CIMIP1: variants seen among roughly 807,000 people sequenced by gnomAD.
CIMIP1 encodes low in lung cancer 1.
At chr20:58,156,486 G>T in the CIMIP1 span, among the ~76,000 whole-genome samples, 1 of 152,154 alleles carries the variant, frequency 6.6e-6, no homozygotes, top group African/African-American at 2.4e-5. Context: ...GAGAAGGGAT[G>T]TGAGTGGAAA....
the CIMIP1 span, chr20:58,160,670 T>A: frequency 1.2e-6 from 2 of 1,610,974 alleles, no homozygotes; most frequent in Non-Finnish European, 1.7e-6. Context: ...GGTCTTTCCA[T>A]CCCCCCCAGT....
the CIMIP1 span, among the ~76,000 whole-genome samples, chr20:58,156,350 G>T: frequency 5.3e-5 from 8 of 152,250 alleles, no homozygotes; most frequent in African/African-American, 1.9e-4. Flanking sequence ...TATTCTAGGC[G>T]CAGGGAACAG....
the CIMIP1 span, among the ~76,000 whole-genome samples, chr20:58,157,575 CT>C: frequency 6.6e-6 from 1 of 152,206 alleles, no homozygotes; most frequent in Admixed American, 6.5e-5. Context: ...TAAAAAAGCA[CT>C]CTAAATAGCT....
the CIMIP1 span, among the ~76,000 whole-genome samples, chr20:58,151,232 C>T: frequency 1.3e-5 from 2 of 152,150 alleles, no homozygotes; most frequent in African/African-American, 4.8e-5. Context: ...GAGGGCCTTT[C>T]TCCGTCTCCT....
the CIMIP1 span, among the ~76,000 whole-genome samples, chr20:58,160,484 C>T: frequency 6.6e-6 from 1 of 152,196 alleles, no homozygotes; most frequent in South Asian, 2.1e-4. Flanking sequence ...ATGTTCCTCA[C>T]TTCCCGGAAA....
the CIMIP1 span, chr20:58,155,636 A>G: frequency 7.6e-7 from 1 of 1,319,970 alleles, no homozygotes; most frequent in Non-Finnish European, 1.1e-6. Flanking sequence ...AATAAGCCCC[A>G]GTGGAAACTG....
chr20:58,154,766 T>G, the CIMIP1 span, among the ~76,000 whole-genome samples: 3 of 152,198 alleles, frequency 2.0e-5, no homozygotes, highest in South Asian at 6.2e-4. Flanking sequence ...TCCTCTAATA[T>G]TTTAAAGTTC....
chr20:58,155,407 GT>G, the CIMIP1 span: 2 of 1,381,432 alleles, frequency 1.4e-6, no homozygotes, highest in Non-Finnish European at 2.0e-6. Flanking sequence ...TGGGGATTCT[GT>G]TTCAGTACAT....
chr20:58,154,852 G>A, the CIMIP1 span, among the ~76,000 whole-genome samples: 1 of 152,218 alleles, frequency 6.6e-6, no homozygotes, highest in Non-Finnish European at 1.5e-5. Context: ...CTGTCACCCA[G>A]GCTGGAGTGC....
the CIMIP1 span, chr20:58,160,643 C>G: frequency 6.2e-7 from 1 of 1,608,470 alleles, no homozygotes; most frequent in African/African-American, 1.3e-5. Context: ...CACTAAATCC[C>G]CTGTATTTCC....
the CIMIP1 span, chr20:58,153,684 G>T: frequency 2.4e-6 from 3 of 1,226,190 alleles, no homozygotes; most frequent in South Asian, 2.5e-5. Flanking sequence ...AAGAATGAAT[G>T]ATTACAAAGT....
the CIMIP1 span, chr20:58,153,506 T>C: frequency 6.5e-7 from 1 of 1,546,968 alleles, no homozygotes; most frequent in East Asian, 2.2e-5. Flanking sequence ...TTGAACCTTT[T>C]TCCGTGTTGC....
At chr20:58,160,513 C>T in the CIMIP1 span, 124 of 703,734 alleles carry the variant, frequency 1.8e-4, no homozygotes, top group Non-Finnish European at 2.0e-4. Context: ...CCTCTGAGTC[C>T]AGCTGATTGG....
chr20:58,159,297 A>G, the CIMIP1 span, among the ~76,000 whole-genome samples: 10 of 149,846 alleles, frequency 6.7e-5, no homozygotes, highest in Admixed American at 4.0e-4. Flanking sequence ...AGGTGGATCA[A>G]CTGAGGTCAG....
the CIMIP1 span, among the ~76,000 whole-genome samples, chr20:58,152,722 C>CA: frequency 0.01 from 870 of 84,850 alleles, 7 homozygotes; most frequent in African/African-American, 0.019. Context: ...GAAACTCCAT[C>CA]AAAAAAAAAA....
the CIMIP1 span, among the ~76,000 whole-genome samples, chr20:58,156,039 C>G: frequency 6.6e-6 from 1 of 152,176 alleles, no homozygotes; most frequent in African/African-American, 2.4e-5. Context: ...GGAGTACCCT[C>G]AGGGTTCAGC....
At chr20:58,160,573 C>G in the CIMIP1 span, 1 of 1,422,872 alleles carries the variant, frequency 7.0e-7, no homozygotes, top group Non-Finnish European at 9.4e-7. Flanking sequence ...TTCTTTCTGT[C>G]TTTTCCACCC....
the CIMIP1 span, among the ~76,000 whole-genome samples, chr20:58,151,204 G>A: frequency 1.3e-5 from 2 of 152,166 alleles, no homozygotes; most frequent in South Asian, 4.1e-4. Flanking sequence ...GTCAATGTTA[G>A]GGACATGAGA....
chr20:58,155,498 C>T, the CIMIP1 span: 32 of 1,614,022 alleles, frequency 2.0e-5, no homozygotes, highest in Admixed American at 5.2e-4. Context: ...TCTCCCCACC[C>T]CAAAGCCCAA....
Sources: allele counts gnomAD v4.1 joint callset (sites outside exome capture counted in the v4.1 genomes callset), GRCh38; gene constraint gnomAD v4.1.1; transcripts MANE v1.5; gene names NCBI Gene and HGNC (gene_info 2026-07-23, HGNC 2026-07-21).